Variants in LDB2 observed in about 807,000 individuals in gnomAD.
The protein encoded by LDB2 is LIM domain-binding protein 2.
A neutral mutation model predicts 44.3 loss-of-function variants in LDB2; 12 were observed. The ratio of observed to expected loss-of-function variants is 0.27; its 90% confidence interval spans 0.17 to 0.44. The LOEUF (loss-of-function observed/expected upper bound fraction) is 0.44, where lower values mean the gene tolerates loss of function less well. Ranked by LOEUF, LDB2 falls within the 20% of genes least tolerant of loss-of-function variation. The probability of loss-of-function intolerance (pLI) is 1.00; values close to 1 mark genes in which losing one functional copy is unlikely to be tolerated. For synonymous variants in LDB2, 164 were observed against 174.8 expected (o/e 0.94, Z 0.49); for missense variants, 344 against 473.5 (o/e 0.73, Z 2.54).
At chr4:16,732,152 C>T (rs1716026652) in intron 2 of LDB2, among the ~76,000 whole-genome samples, 2 of 152,166 alleles carry the variant, frequency 1.3e-5, no homozygotes, top group Admixed American at 6.5e-5. Flanking sequence ...CCCTAATGAA[C>T]TGTTGTTTCA....
At chr4:16,717,254 A>G (rs1757263064) in intron 2 of LDB2, among the ~76,000 whole-genome samples, 2 of 152,112 alleles carry the variant, frequency 1.3e-5, no homozygotes, top group Admixed American at 6.6e-5. Context: ...GGAACTAGAA[A>G]TAGTTGAACA....
At chr4:16,820,273 A>C (rs1781695243) in intron 1 of LDB2, among the ~76,000 whole-genome samples, 9 of 152,100 alleles carry the variant, frequency 5.9e-5, no homozygotes, top group Admixed American at 5.9e-4. Context: ...TTTTTAAAGC[A>C]CTTTTTATTA....
intron 1 of LDB2, among the ~76,000 whole-genome samples, chr4:16,821,526 G>A (rs1038002277): frequency 1.1e-4 from 16 of 149,516 alleles, no homozygotes; most frequent in Non-Finnish European, 1.9e-4. Flanking sequence ...TGGGACTACA[G>A]GCGCCCGCCA....
chr4:16,823,827 C>T (rs1361809317), intron 1 of LDB2, among the ~76,000 whole-genome samples: 2 of 152,306 alleles, frequency 1.3e-5, no homozygotes, highest in East Asian at 1.9e-4. Flanking sequence ...AATTGTGCTT[C>T]TAGTGTACAA....
intron 1 of LDB2, among the ~76,000 whole-genome samples, chr4:16,840,253 C>G (rs895510734): frequency 2.0e-5 from 3 of 152,270 alleles, no homozygotes; most frequent in East Asian, 3.9e-4. Flanking sequence ...ATACTTGACA[C>G]TCATGTTTAG....
chr4:16,579,335 A>G (rs892040374), intron 5 of LDB2, among the ~76,000 whole-genome samples: 1 of 152,188 alleles, frequency 6.6e-6, no homozygotes, highest in Admixed American at 6.5e-5. Flanking sequence ...TTAAAATTTT[A>G]ACAAAACACA....
At chr4:16,797,775 C>G (rs1777022162) in intron 1 of LDB2, among the ~76,000 whole-genome samples, 1 of 151,792 alleles carries the variant, frequency 6.6e-6, no homozygotes, top group East Asian at 1.9e-4. Flanking sequence ...GGTGGCTCTC[C>G]CCTGTAATCC....
At chr4:16,659,671 G>GTATATA (rs58539901) in intron 2 of LDB2, among the ~76,000 whole-genome samples, 110 of 133,562 alleles carry the variant, frequency 8.2e-4, no homozygotes, top group African/African-American at 2.7e-3. Context: ...ATCTATGTGT[G>GTATATA]TATATATATA....
At position 16,582,433 on chromosome 4, in the gene LDB2, C is replaced by A. The variant is rs142014312; in HGVS notation, c.615+3489G>T. ...GGCGGACAACAGGACTTCTGCTTCC[C>A]AACAAACAAGGCAAAGGACACATTT... On this transcript the variant is annotated intron_variant, in intron 5 of 7. Coordinates refer to ENST00000304523, the MANE Select transcript of LDB2 (RefSeq NM_001290.5). This position sits in a 1 kb window ranked among gnomAD's most constrained non-coding sequence, Gnocchi z 4.8. Among the ~76,000 whole-genome samples, 610 of 152,294 alleles carry A rather than the reference C, an allele frequency of 4.0e-3. 4 individuals carry two copies. The highest frequency in any genetic ancestry group is 0.013 in the African/African-American group (527 of 41,578).
At chr4:16,738,411 G>A (rs1348308136) in intron 2 of LDB2, among the ~76,000 whole-genome samples, 1 of 152,186 alleles carries the variant, frequency 6.6e-6, no homozygotes, top group East Asian at 1.9e-4. Context: ...GGAAGGTGAG[G>A]AGAAAATCAA....
intron 1 of LDB2, among the ~76,000 whole-genome samples, chr4:16,838,302 C>T (rs1785254949): frequency 6.6e-6 from 1 of 152,176 alleles, no homozygotes; most frequent in Non-Finnish European, 1.5e-5. Flanking sequence ...GCAACAGATG[C>T]AGAGACTCAA....
At chr4:16,814,408 A>G (rs1780526586) in intron 1 of LDB2, among the ~76,000 whole-genome samples, 1 of 152,176 alleles carries the variant, frequency 6.6e-6, no homozygotes, top group Non-Finnish European at 1.5e-5. Flanking sequence ...CAGAAGAAAA[A>G]AATGGTTTCC....
At chr4:16,648,172 C>G (rs1169685281) in intron 2 of LDB2, among the ~76,000 whole-genome samples, 1 of 152,174 alleles carries the variant, frequency 6.6e-6, no homozygotes, top group African/African-American at 2.4e-5. Flanking sequence ...GGCAGATGTT[C>G]TCTTCTCATT....
At chr4:16,604,509 A>G (rs1311991530) in intron 2 of LDB2, among the ~76,000 whole-genome samples, 1 of 149,376 alleles carries the variant, frequency 6.7e-6, no homozygotes, top group Non-Finnish European at 1.5e-5. Flanking sequence ...CTTTGCAATA[A>G]CATGAGAAAA....
intron 1 of LDB2, among the ~76,000 whole-genome samples, chr4:16,895,891 T>C (rs1412466645): frequency 6.6e-6 from 1 of 152,168 alleles, no homozygotes; most frequent in East Asian, 1.9e-4. Flanking sequence ...ACATACATCA[T>C]GATCAAAATT....
intron 1 of LDB2, among the ~76,000 whole-genome samples, chr4:16,870,963 A>G (rs972966069): frequency 5.9e-5 from 9 of 152,168 alleles, no homozygotes; most frequent in Non-Finnish European, 1.2e-4. Flanking sequence ...CAAAAAGCCT[A>G]TCTCTGATTT....
chr4:16,882,576 T>A (rs760230199), intron 1 of LDB2, among the ~76,000 whole-genome samples: 32 of 152,192 alleles, frequency 2.1e-4, no homozygotes, highest in Admixed American at 1.6e-3. Context: ...TTATATAGGG[T>A]TAAGCTCCTT....
chr4:16,584,598 G>A (rs1336967795), intron 5 of LDB2, among the ~76,000 whole-genome samples: 1 of 152,196 alleles, frequency 6.6e-6, no homozygotes, highest in Non-Finnish European at 1.5e-5. Flanking sequence ...CATGCAGCAA[G>A]CACGGTGTTC....
At chr4:16,825,504 G>A (rs1028848516) in intron 1 of LDB2, among the ~76,000 whole-genome samples, 4 of 152,122 alleles carry the variant, frequency 2.6e-5, no homozygotes, top group African/African-American at 7.2e-5. Flanking sequence ...TGCGGGTAAA[G>A]AAGAAAAGTG....
Sources: allele counts gnomAD v4.1 joint callset (sites outside exome capture counted in the v4.1 genomes callset), GRCh38; gene constraint gnomAD v4.1.1; non-coding constraint Gnocchi (gnomAD v3.1); transcripts MANE v1.5; gene names NCBI Gene and HGNC (gene_info 2026-07-23, HGNC 2026-07-21).